NOSTRIN: variants seen among roughly 807,000 people sequenced by gnomAD.
NOSTRIN encodes BM247 homolog.
In NOSTRIN, 63 loss-of-function variants were observed where a neutral mutation model predicts 59.0. The observed-to-expected ratio is 1.07, with a 90% CI of 0.87 to 1.32. NOSTRIN has a LOEUF of 1.32. Among genes scored for constraint, NOSTRIN ranks in the 40% most tolerant of loss-of-function variants. NOSTRIN has a pLI of 0.00. For missense variants in NOSTRIN, 512 were observed against 473.1 expected (o/e 1.08, Z -0.76); for synonymous variants, 200 against 165.4 (o/e 1.21, Z -1.61).
Position 168,831,508 on chromosome 2 carries a change from A to G in NOSTRIN, c.379A>G (p.Ile127Val). The change falls in exon 6 of 16, where the codon ATT becomes GTT. Residue 127 changes from isoleucine to valine, a missense_variant. Ile to Val is a conservative substitution (Grantham distance 29, BLOSUM62 3). Coordinates refer to ENST00000317647, the MANE Select transcript of NOSTRIN (RefSeq NM_001039724.4). Reference sequence around the variant, plus strand: ...AGTTGAAAAGACAGCAAATCTTGTCATTAGCAACTGGAATCAGCAAATTAA... The same window carrying G: ...AGTTGAAAAGACAGCAAATCTTGTCGTTAGCAACTGGAATCAGCAAATTAA... ...NEVEKTANLV[I>V]SNWNQQIKAK... 1.2e-6 allele frequency: 1 copy of G among 866,058 alleles called. No homozygotes were observed. The highest frequency in any genetic ancestry group is 2.0e-6 in the Non-Finnish European group (1 of 495,930). 53.6% of individuals were successfully genotyped at this position (866,058 alleles called of 1,614,324 possible).
At chr2:168,852,580 G>A (rs1487562997) in intron 10 of NOSTRIN, among the ~76,000 whole-genome samples, 20 of 152,146 alleles carry the variant, frequency 1.3e-4, no homozygotes, top group Non-Finnish European at 4.4e-5. Flanking sequence ...CAGATTAGGG[G>A]TGTCACTCTT....
chr2:168,842,776 G>A (rs375213819), intron 7 of NOSTRIN, among the ~76,000 whole-genome samples: 9 of 152,250 alleles, frequency 5.9e-5, no homozygotes, highest in Admixed American at 3.3e-4. Flanking sequence ...GTAAAATTGG[G>A]GGAATCATAC....
At chr2:168,846,700 TACTC>T (rs1236050770) in intron 8 of NOSTRIN, among the ~76,000 whole-genome samples, 2 of 152,222 alleles carry the variant, frequency 1.3e-5, no homozygotes, top group Non-Finnish European at 2.9e-5. Flanking sequence ...CTGAAGTACT[TACTC>T]AAGGAATTAT....
chr2:168,787,168 G>A (rs768082064), intron 1 of NOSTRIN, among the ~76,000 whole-genome samples: 1 of 152,182 alleles, frequency 6.6e-6, no homozygotes, highest in Non-Finnish European at 1.5e-5. Flanking sequence ...GTATTTGAAT[G>A]AGTCAAGTGG....
At chr2:168,800,867 C>T (rs566348954), upstream of NOSTRIN, among the ~76,000 whole-genome samples, 235 of 143,710 alleles carry the variant, frequency 1.6e-3, 1 homozygote, top group African/African-American at 5.6e-3. Context: ...ATTTGAGTTA[C>T]ATGTTATTAA....
At chr2:168,864,262 C>A (rs1271935245) in intron 15 of NOSTRIN, among the ~76,000 whole-genome samples, 1 of 145,918 alleles carries the variant, frequency 6.9e-6, no homozygotes, top group Non-Finnish European at 1.5e-5. Flanking sequence ...CAGCTGTCAG[C>A]CACCGTGCCT....
chr2:168,848,019 T>C (rs968602017), intron 8 of NOSTRIN, among the ~76,000 whole-genome samples: 1 of 152,220 alleles, frequency 6.6e-6, no homozygotes, highest in African/African-American at 2.4e-5. Context: ...CCACTAGGGA[T>C]GCAATATGTT....
intron 2 of NOSTRIN, among the ~76,000 whole-genome samples, chr2:168,789,427 C>T (rs898772621): frequency 6.6e-6 from 1 of 152,136 alleles, no homozygotes; most frequent in Non-Finnish European, 1.5e-5. Flanking sequence ...GGGAACTCCC[C>T]TTTATAAAAC....
At chr2:168,816,968 T>C (rs1049940745) in intron 2 of NOSTRIN, among the ~76,000 whole-genome samples, 2 of 152,206 alleles carry the variant, frequency 1.3e-5, no homozygotes, top group Non-Finnish European at 2.9e-5. Flanking sequence ...TTTACTGGCA[T>C]AATATGTAGC....
chr2:168,802,904 A>G (rs185989448), intron 1 of NOSTRIN, among the ~76,000 whole-genome samples: 91 of 152,280 alleles, frequency 6.0e-4, no homozygotes, highest in Middle Eastern at 6.8e-3. Context: ...ATATTCTTGG[A>G]AAAAGTTTTG....
In NOSTRIN at chr2:168,856,132, C is replaced by A. The variant is rs377203260; in HGVS notation, c.965-558C>A. Reference sequence around the variant, plus strand: ...TAGAATGGGTCGACTGAAAGAATTTCAAAATCTCATCTGGAAAAATAACAA... The same window carrying A: ...TAGAATGGGTCGACTGAAAGAATTTAAAAATCTCATCTGGAAAAATAACAA... On this transcript the variant is annotated intron_variant, in intron 11 of 15. Transcript: ENST00000317647. The A allele has an allele frequency of 5.0e-5, 11 of 220,616 alleles. No individual in the cohort carries two copies. The East Asian group carries it at 7.6e-4, about 15-fold the overall frequency. The allele number at this position is 220,616 out of a possible 1,614,324, so 13.7% of individuals were successfully genotyped here.
chr2:168,800,492 T>A (rs1316775409), upstream of NOSTRIN, among the ~76,000 whole-genome samples: 5 of 152,058 alleles, frequency 3.3e-5, no homozygotes, highest in Non-Finnish European at 1.5e-5. Flanking sequence ...AACGGCCCAG[T>A]GGCAGACAGG....
Position 168,842,990 on chromosome 2 carries a change from A to C in NOSTRIN, c.505-2A>C. The stretch of plus-strand genomic sequence containing the variant: ...ATGTGTGACATTGATGTTTTACATT[A>C]GCTCCTCAATAAACTGACAAAATCA... On this transcript the variant is annotated splice_acceptor_variant, in intron 7 of 15. Coordinates refer to ENST00000317647, the MANE Select transcript of NOSTRIN (RefSeq NM_001039724.4). LOFTEE classifies it high-confidence loss of function. 1.1e-6 allele frequency: 1 copy of C among 871,184 alleles called. No homozygotes were observed. Among genetic ancestry groups the C allele is most frequent in the Non-Finnish European group, 2.0e-6 (1 of 501,134 alleles). The allele number at this position is 871,184 out of a possible 1,614,324, so 54.0% of individuals were successfully genotyped here.
intron 7 of NOSTRIN, among the ~76,000 whole-genome samples, chr2:168,838,459 C>G (rs1424506687): frequency 2.6e-5 from 4 of 152,168 alleles, no homozygotes; most frequent in Non-Finnish European, 4.4e-5. Context: ...AGGCTGGTCT[C>G]GAACTCCAAA....
chr2:168,845,790 C>CTTTTTTTTTTTT (rs3216710), intron 8 of NOSTRIN, among the ~76,000 whole-genome samples: 2 of 140,630 alleles, frequency 1.4e-5, no homozygotes, highest in Non-Finnish European at 1.5e-5. Context: ...TTTTTTCTTC[C>CTTTTTTTTTTTT]TTTTTTTTTT....
rs549109679 is a variant in NOSTRIN, at chr2:168,851,324, A to C, written c.775A>C (p.Lys259Gln). The C allele has an allele frequency of 1.9e-6, 3 of 1,613,894 alleles. No individual in the cohort carries two copies. Among genetic ancestry groups the C allele is most frequent in the Admixed American group, 1.7e-5 (1 of 59,966 alleles). ...HCAISKIDIE[K>Q]DIQAVMEETA... ...TGCCATCAGCAAGATTGACATTGAA[A>C]AAGATATCCAGGCTGTAATGGAAGA... Residue 259 changes from lysine (K) to glutamine (Q), a missense_variant, in exon 10 of 16, where the codon AAA becomes CAA. Physicochemically the swap from Lys to Gln is moderately conservative, Grantham distance 53. Coordinates refer to ENST00000317647, the MANE Select transcript of NOSTRIN (RefSeq NM_001039724.4).
chr2:168,786,676 A>G (rs1026658939), intron 1 of NOSTRIN: 3 of 152,152 alleles, frequency 2.0e-5, no homozygotes, highest in Admixed American at 6.5e-5. Context: ...AGGTCAAGCC[A>G]GCCACTTGAT....
At chr2:168,802,547 G>GC, upstream of NOSTRIN, 1 of 802,408 alleles carries the variant, frequency 1.2e-6, no homozygotes, top group Non-Finnish European at 2.2e-6. Flanking sequence ...CGTACTCTAG[G>GC]CCCTTTGAAT....
chr2:168,809,665 G>A (rs1686035790), intron 1 of NOSTRIN, among the ~76,000 whole-genome samples: 1 of 150,606 alleles, frequency 6.6e-6, no homozygotes, highest in Non-Finnish European at 1.5e-5. Context: ...TGTAAGGGTA[G>A]GAAGGAGGCC....
Sources: allele counts gnomAD v4.1 joint callset (sites outside exome capture counted in the v4.1 genomes callset), GRCh38; gene constraint gnomAD v4.1.1; transcripts MANE v1.5; gene names NCBI Gene and HGNC (gene_info 2026-07-23, HGNC 2026-07-21).